The following FHOD3 variants were observed in gnomAD, a reference collection of about 807,000 sequenced individuals.
FHOD3 encodes the protein formin homology 2 domain containing 3.
Under a neutral mutation model 173.0 loss-of-function variants are expected in FHOD3, and 90 were observed. The ratio of observed to expected loss-of-function variants is 0.52; its 90% confidence interval spans 0.44 to 0.62. FHOD3 has a LOEUF of 0.62. FHOD3 is among the 20% of genes least tolerant of loss of function. FHOD3 has a pLI of 0.00. For synonymous variants in FHOD3, 828 were observed against 823.0 expected, an observed-to-expected ratio of 1.01 and a Z score of -0.10; for missense variants, 1,945 against 2,034.7, an observed-to-expected ratio of 0.96 and a Z score of 0.85.
At chr18:36,305,371 T>G (rs2092065064) in intron 1 of FHOD3, among the ~76,000 whole-genome samples, 1 of 152,174 alleles carries the variant, frequency 6.6e-6, no homozygotes, top group East Asian at 1.9e-4. Flanking sequence ...AAAGGGAAAA[T>G]GTTAAACAAC....
At chr18:36,668,434 G>C (rs1266247642) in intron 14 of FHOD3, among the ~76,000 whole-genome samples, 1 of 151,730 alleles carries the variant, frequency 6.6e-6, no homozygotes, top group Non-Finnish European at 1.5e-5. Context: ...TCTGGCTAGA[G>C]ATTTATCAAT....
At chr18:36,615,246 A>G (rs940448044) in intron 9 of FHOD3, among the ~76,000 whole-genome samples, 6 of 152,140 alleles carry the variant, frequency 3.9e-5, no homozygotes, top group South Asian at 2.1e-4. Flanking sequence ...CTCTCATTCT[A>G]TGGGTTGTAT....
intron 10 of FHOD3, among the ~76,000 whole-genome samples, chr18:36,646,966 GTGGCT>G (rs573447875): frequency 2.6e-3 from 392 of 152,368 alleles, no homozygotes; most frequent in African/African-American, 9.1e-3. Flanking sequence ...GCCGGGTGCG[GTGGCT>G]CATGCCTGTA....
intron 7 of FHOD3, among the ~76,000 whole-genome samples, chr18:36,598,441 G>A (rs143010437): frequency 1.3e-5 from 2 of 152,350 alleles, no homozygotes; most frequent in South Asian, 2.1e-4. Context: ...ATTCTGCAGT[G>A]TGGGCAATTT....
At chr18:36,416,000 A>C (rs146370763) in intron 3 of FHOD3, among the ~76,000 whole-genome samples, 166 of 152,280 alleles carry the variant, frequency 1.1e-3, no homozygotes, top group African/African-American at 3.9e-3. Context: ...TTTCAAGCAC[A>C]TTGAATAGCT....
chr18:36,442,867 C>T (rs1474901365), intron 3 of FHOD3, among the ~76,000 whole-genome samples: 1 of 152,164 alleles, frequency 6.6e-6, no homozygotes, highest in Non-Finnish European at 1.5e-5. Context: ...TTTCAGTTGT[C>T]ACGTCTCCCT....
intron 6 of FHOD3, among the ~76,000 whole-genome samples, chr18:36,587,026 A>G (rs1227967169): frequency 6.6e-6 from 1 of 152,146 alleles, no homozygotes; most frequent in African/African-American, 2.4e-5. Flanking sequence ...TGAGAAGTGG[A>G]AGCGTGGTTC....
chr18:36,510,489 G>T (rs2055573238), intron 4 of FHOD3, among the ~76,000 whole-genome samples: 1 of 152,082 alleles, frequency 6.6e-6, no homozygotes, highest in Non-Finnish European at 1.5e-5. Context: ...TTTTCCAAGT[G>T]CCTTTGCCAG....
In FHOD3 at chr18:36,718,226, T is replaced by G; in HGVS notation, c.2928T>G (p.Ser976=). The G allele has an allele frequency of 3.1e-6, 5 of 1,614,152 alleles. No homozygotes were observed. The highest frequency in any genetic ancestry group is 1.3e-5 in the African/African-American group (1 of 75,036). ...CGCCGGTGCAGCCGAAGACAGAGTCTGATTACATCTGGGACCAGCTCATGG... is the reference window on the plus strand; with the variant it reads ...CGCCGGTGCAGCCGAAGACAGAGTCGGATTACATCTGGGACCAGCTCATGG... ...ETAPVQPKTE[S]DYIWDQLMAN... Residue 976 remains serine, a synonymous_variant, in exon 19 of 29, where the codon TCT becomes TCG. Coordinates refer to ENST00000590592, the MANE Select transcript of FHOD3 (RefSeq NM_001281740.3).
At chr18:36,392,716 G>A (rs1242854607) in intron 3 of FHOD3, among the ~76,000 whole-genome samples, 4 of 152,214 alleles carry the variant, frequency 2.6e-5, no homozygotes, top group Non-Finnish European at 4.4e-5. Flanking sequence ...TGTTTCATGC[G>A]CAGGCAGCTA....
At chr18:36,617,994 T>G (rs1442306653) in intron 9 of FHOD3, among the ~76,000 whole-genome samples, 2 of 152,138 alleles carry the variant, frequency 1.3e-5, no homozygotes, top group Non-Finnish European at 2.9e-5. Context: ...TTTAAATTTC[T>G]TCTCTTTTAG....
At chr18:36,703,533 T>G (rs761876848) in intron 17 of FHOD3, among the ~76,000 whole-genome samples, 3 of 152,164 alleles carry the variant, frequency 2.0e-5, no homozygotes, top group Non-Finnish European at 4.4e-5. Flanking sequence ...CCAAAGAGGA[T>G]GATGTAATAT....
At chr18:36,401,949 G>C (rs1418778530) in intron 3 of FHOD3, among the ~76,000 whole-genome samples, 2 of 152,296 alleles carry the variant, frequency 1.3e-5, no homozygotes, top group African/African-American at 2.4e-5. Flanking sequence ...AAATAATGCT[G>C]TAATGAACCC....
chr18:36,297,959 C>A lies in FHOD3; in HGVS notation c.124C>A (p.Gln42Lys). 6.4e-7 allele frequency: 1 copy of A among 1,566,364 alleles called. No individual in the cohort carries two copies. The highest frequency in any genetic ancestry group is 1.2e-5 in the South Asian group (1 of 84,548). Residue 42 changes from glutamine (Q) to lysine (K), a missense_variant, in exon 1 of 29, where the codon CAG (glutamine) becomes AAG (lysine). Gln to Lys is a moderately conservative substitution (Grantham distance 53). Coordinates refer to ENST00000590592, the MANE Select transcript of FHOD3 (RefSeq NM_001281740.3). ...TFREDLALGT[Q>K]LAGVHRLLQA... Reference sequence around the variant, plus strand: ...CCGCGAGGACCTCGCGCTCGGCACCCAGCTGGCGGGGGTCCATAGGCTGCT... The same window carrying A: ...CCGCGAGGACCTCGCGCTCGGCACCAAGCTGGCGGGGGTCCATAGGCTGCT...
intron 3 of FHOD3, among the ~76,000 whole-genome samples, chr18:36,484,997 C>T (rs1444555571): frequency 1.3e-5 from 2 of 152,164 alleles, no homozygotes; most frequent in Non-Finnish European, 2.9e-5. Flanking sequence ...GTCGAGCCAA[C>T]TTCATTCCCG....
intron 5 of FHOD3, among the ~76,000 whole-genome samples, chr18:36,563,468 T>A (rs10502662): frequency 0.14 from 21,702 of 152,138 alleles, 1,787 homozygotes; most frequent in East Asian, 0.4. Context: ...ACCATTGAAG[T>A]CCAGAGAGGT....
intron 5 of FHOD3, among the ~76,000 whole-genome samples, chr18:36,524,612 T>C (rs975506836): frequency 2.6e-5 from 4 of 152,154 alleles, no homozygotes; most frequent in African/African-American, 9.7e-5. Flanking sequence ...CCCTCATATC[T>C]ACCCACATTC....
intron 5 of FHOD3, among the ~76,000 whole-genome samples, chr18:36,516,672 A>C (rs1269422941): frequency 4.6e-5 from 7 of 152,194 alleles, no homozygotes; most frequent in African/African-American, 1.4e-4. Flanking sequence ...TGAGCCTAGG[A>C]ATTTGAGGTT....
intron 25 of FHOD3, among the ~76,000 whole-genome samples, chr18:36,755,524 G>A (rs2042597091): frequency 6.7e-6 from 1 of 149,068 alleles, no homozygotes; most frequent in South Asian, 2.1e-4. Flanking sequence ...GAGATGTAAA[G>A]TTCAGAACGT....
Sources: gnomAD v4.1 joint callset for allele counts (sites outside exome capture counted in the v4.1 genomes callset) on GRCh38, gnomAD v4.1.1 for gene constraint, MANE v1.5 for transcripts, NCBI Gene and HGNC (gene_info 2026-07-23, HGNC 2026-07-21) for gene names.